The following PRKN variants were observed in gnomAD, a reference collection of about 807,000 sequenced individuals.
The protein encoded by PRKN is E3 ubiquitin-protein ligase parkin.
A neutral mutation model predicts 59.5 loss-of-function variants in PRKN; 56 were observed. The observed-to-expected ratio is 0.94, with a 90% confidence interval of 0.76 to 1.18. The LOEUF (loss-of-function observed/expected upper bound fraction) is 1.18, where lower values mean the gene tolerates loss of function less well. Among genes scored for constraint, PRKN ranks in the 50% most tolerant of loss-of-function variants. The probability of loss-of-function intolerance (pLI) is 0.00; values close to 1 mark genes in which losing one functional copy is unlikely to be tolerated. For synonymous variants in PRKN, 250 were observed against 222.1 expected, an observed-to-expected ratio of 1.13 and a Z score of -1.12; for missense variants, 657 against 596.4, an observed-to-expected ratio of 1.10 and a Z score of -1.06.
intron 1 of PRKN, among the ~76,000 whole-genome samples, chr6:162,575,345 C>T (rs1202036201): frequency 6.6e-6 from 1 of 152,128 alleles, no homozygotes; most frequent in Non-Finnish European, 1.5e-5. Flanking sequence ...TTAACCCTGA[C>T]CTTTATTGCT....
chr6:162,227,079 C>CAGTG (rs1778214094), intron 3 of PRKN, among the ~76,000 whole-genome samples: 1 of 152,192 alleles, frequency 6.6e-6, no homozygotes, highest in African/African-American at 2.4e-5. Flanking sequence ...AATGGATAAC[C>CAGTG]AGTGTATATA....
At chr6:162,664,055 A>G (rs758575113) in intron 1 of PRKN, among the ~76,000 whole-genome samples, 2 of 151,718 alleles carry the variant, frequency 1.3e-5, no homozygotes, top group Admixed American at 6.6e-5. Context: ...CTCACCCTCC[A>G]CCCTGCAACA....
chr6:162,120,793 G>A (rs528792184), intron 4 of PRKN, among the ~76,000 whole-genome samples: 3 of 152,276 alleles, frequency 2.0e-5, no homozygotes, highest in African/African-American at 7.2e-5. Context: ...ATTGCTGGGG[G>A]AAGGGCAACG....
intron 1 of PRKN, among the ~76,000 whole-genome samples, chr6:162,453,351 C>T (rs756092869): frequency 2.0e-5 from 3 of 152,202 alleles, no homozygotes; most frequent in African/African-American, 7.2e-5. Flanking sequence ...CCCCAACATA[C>T]TCTTTTTTTA....
At chr6:162,160,578 A>G (rs1782709716) in intron 4 of PRKN, among the ~76,000 whole-genome samples, 1 of 152,198 alleles carries the variant, frequency 6.6e-6, no homozygotes, top group African/African-American at 2.4e-5. Flanking sequence ...CTATAAAAAT[A>G]ATCATGCTAG....
At chr6:162,697,720 C>A (rs1245041621) in intron 1 of PRKN, among the ~76,000 whole-genome samples, 1 of 152,102 alleles carries the variant, frequency 6.6e-6, no homozygotes, top group Non-Finnish European at 1.5e-5. Flanking sequence ...CTATTAAATA[C>A]ATTTATGGAA....
At chr6:162,223,152 T>C (rs1009819507) in intron 3 of PRKN, among the ~76,000 whole-genome samples, 25 of 152,004 alleles carry the variant, frequency 1.6e-4, no homozygotes, top group Non-Finnish European at 2.9e-4. Context: ...AATGATGATT[T>C]CCAATTTCAT....
chr6:161,931,643 G>A (rs117673608), intron 6 of PRKN, among the ~76,000 whole-genome samples: 1,934 of 152,226 alleles, frequency 0.013, 30 homozygotes, highest in Middle Eastern at 0.024. Context: ...AGAAAGACAG[G>A]GGCACCTATT....
chr6:162,077,549 C>A (rs9347584), intron 4 of PRKN, among the ~76,000 whole-genome samples: 124,142 of 151,932 alleles, frequency 0.82, 50,917 homozygotes, highest in Admixed American at 0.88. Flanking sequence ...TTATAAATTG[C>A]TTGTGATTAT....
intron 7 of PRKN, among the ~76,000 whole-genome samples, chr6:161,761,922 A>T (rs1365288098): frequency 3.3e-5 from 5 of 152,250 alleles, no homozygotes; most frequent in Non-Finnish European, 5.9e-5. Context: ...ATGGAACAGG[A>T]CATGAGCACC....
intron 7 of PRKN, among the ~76,000 whole-genome samples, chr6:161,590,467 G>A (rs973214618): frequency 4.6e-5 from 7 of 151,748 alleles, no homozygotes; most frequent in East Asian, 1.9e-4. Context: ...GCGTGGTGGC[G>A]CACGCCTGTA....
intron 7 of PRKN, among the ~76,000 whole-genome samples, chr6:161,708,465 A>G (rs998531016): frequency 2.0e-5 from 1 of 49,338 alleles, no homozygotes; most frequent in East Asian, 3.9e-4. Context: ...ATTTCAGAAA[A>G]AAAAAAAAAA....
At chr6:161,969,893 G>A (rs1780735575) in intron 6 of PRKN, among the ~76,000 whole-genome samples, 1 of 151,868 alleles carries the variant, frequency 6.6e-6, no homozygotes, top group Non-Finnish European at 1.5e-5. Context: ...CAAAGAGTCT[G>A]CGGGCCTAAT....
chr6:162,346,280 C>T (rs999215403), intron 2 of PRKN, among the ~76,000 whole-genome samples: 1 of 151,794 alleles, frequency 6.6e-6, no homozygotes, highest in African/African-American at 2.4e-5. Flanking sequence ...GCATTTTTGC[C>T]GTATTTTCCA....
intron 6 of PRKN, among the ~76,000 whole-genome samples, chr6:161,890,312 C>T (rs1236213106): frequency 6.6e-6 from 1 of 151,996 alleles, no homozygotes. Context: ...CCCTTTTTTC[C>T]TTCAGGATGA....
rs560558773 is a variant in PRKN, at chr6:161,496,718, T to C, written c.1083+52136A>G. 2.0e-5 allele frequency among the ~76,000 whole-genome samples: 3 copies of C among 152,284 alleles called. No homozygotes were observed. The South Asian group carries it at 6.2e-4, about 32-fold the overall frequency. ...GTGGGGACACAGCCAAACCATATCA[T>C]AAGGTCATACCAAAGTAGGTTGGCT... On this transcript the variant is annotated intron_variant, in intron 9 of 11. Transcript: ENST00000366898.
intron 1 of PRKN, among the ~76,000 whole-genome samples, chr6:162,509,630 A>G (rs1777504090): frequency 6.6e-6 from 1 of 152,202 alleles, no homozygotes; most frequent in Non-Finnish European, 1.5e-5. Context: ...GTCAAATACC[A>G]TCCTGGGATA....
intron 8 of PRKN, 33 bp downstream of exon 8, chr6:161,569,322 C>A: frequency 6.3e-7 from 1 of 1,589,620 alleles, no homozygotes; most frequent in Admixed American, 1.7e-5. Flanking sequence ...TCTTTCATGA[C>A]AGTCTGATGC....
chr6:162,420,802 A>T, intron 2 of PRKN, among the ~76,000 whole-genome samples: 1 of 150,756 alleles, frequency 6.6e-6, no homozygotes, highest in East Asian at 1.9e-4. Context: ...GGACACTTAC[A>T]GTTTTAACGG....
Sources: gnomAD v4.1 joint callset for allele counts (sites outside exome capture counted in the v4.1 genomes callset) on GRCh38, gnomAD v4.1.1 for gene constraint, MANE v1.5 for transcripts, NCBI Gene and HGNC (gene_info 2026-07-23, HGNC 2026-07-21) for gene names.